The following FGF14 variants were observed in gnomAD, a reference collection of about 807,000 sequenced individuals.
FGF14 encodes fibroblast growth factor 14, also known as fibroblast growth factor homologous factor 4.
A neutral mutation model predicts 25.5 loss-of-function variants in FGF14; 5 were observed. The observed-to-expected ratio is 0.20, with a 90% CI of 0.10 to 0.41. The LOEUF (loss-of-function observed/expected upper bound fraction) is 0.41. Ranked by LOEUF, FGF14 falls within the 10% of genes least tolerant of loss-of-function variation. The probability of loss-of-function intolerance (pLI) is 1.00; values close to 1 mark genes in which losing one functional copy is unlikely to be tolerated. For missense variants in FGF14, 222 were observed against 320.1 expected (o/e 0.69, Z 2.34); for synonymous variants, 138 against 118.3 (o/e 1.17, Z -1.08).
intron 1 of FGF14, among the ~76,000 whole-genome samples, chr13:102,145,844 T>C (rs1289779151): frequency 6.6e-6 from 1 of 152,200 alleles, no homozygotes; most frequent in Non-Finnish European, 1.5e-5. Flanking sequence ...TAAACATTAT[T>C]TTATTTGAGT....
At chr13:102,379,606 A>G (rs2058133516) in intron 1 of FGF14, among the ~76,000 whole-genome samples, 2 of 152,052 alleles carry the variant, frequency 1.3e-5, no homozygotes, top group East Asian at 1.9e-4. Context: ...AACATTTACT[A>G]TGTTTCTGAA....
At chr13:101,758,004 TTA>T (rs1029575090) in intron 3 of FGF14, among the ~76,000 whole-genome samples, 1 of 152,190 alleles carries the variant, frequency 6.6e-6, no homozygotes, top group Non-Finnish European at 1.5e-5. Context: ...CATTTAGAAC[TTA>T]TATATATAAA....
chr13:102,297,621 C>T (rs1051294021), intron 1 of FGF14, among the ~76,000 whole-genome samples: 1 of 151,786 alleles, frequency 6.6e-6, no homozygotes, highest in Non-Finnish European at 1.5e-5. Context: ...CATAGGGGTT[C>T]ATGCTTATAA....
chr13:102,397,988 C>G (rs2058621045), intron 1 of FGF14, among the ~76,000 whole-genome samples: 1 of 149,832 alleles, frequency 6.7e-6, no homozygotes, highest in African/African-American at 2.5e-5. Flanking sequence ...AGCTGTTGCT[C>G]TGCTAGGAAA....
intron 1 of FGF14, among the ~76,000 whole-genome samples, chr13:102,156,463 C>T (rs1007194808): frequency 1.2e-4 from 19 of 152,164 alleles, no homozygotes; most frequent in Non-Finnish European, 1.2e-4. Flanking sequence ...TTCAACAGCC[C>T]TTCATGCTAA....
intron 1 of FGF14, among the ~76,000 whole-genome samples, chr13:102,306,770 C>T (rs1248461055): frequency 6.6e-6 from 1 of 152,132 alleles, no homozygotes; most frequent in African/African-American, 2.4e-5. Context: ...TTGCAGTGCA[C>T]AGTATACTTA....
At chr13:101,779,580 T>C (rs1222007056) in intron 3 of FGF14, among the ~76,000 whole-genome samples, 1 of 152,180 alleles carries the variant, frequency 6.6e-6, no homozygotes, top group Non-Finnish European at 1.5e-5. Flanking sequence ...TTTTGAAATA[T>C]TTCTCAAATA....
chr13:102,360,738 C>G (rs1366412889), intron 1 of FGF14, among the ~76,000 whole-genome samples: 1 of 152,146 alleles, frequency 6.6e-6, no homozygotes, highest in Non-Finnish European at 1.5e-5. Context: ...CCATTCACAC[C>G]TGTCTGAGAA....
chr13:102,240,930 A>C (rs2051567565), intron 1 of FGF14, among the ~76,000 whole-genome samples: 1 of 152,178 alleles, frequency 6.6e-6, no homozygotes, highest in Non-Finnish European at 1.5e-5. Context: ...TGCTTCTTCA[A>C]ATCATTAGGA....
At chr13:101,864,669 C>T (rs528396886) in intron 3 of FGF14, among the ~76,000 whole-genome samples, 1 of 152,202 alleles carries the variant, frequency 6.6e-6, no homozygotes, top group African/African-American at 2.4e-5. Flanking sequence ...TTATATTTCT[C>T]TCCACTTATA....
At chr13:102,362,794 C>T (rs570305955) in intron 1 of FGF14, among the ~76,000 whole-genome samples, 1 of 143,858 alleles carries the variant, frequency 7.0e-6, no homozygotes, top group East Asian at 2.0e-4. Context: ...TTTCTAAAGT[C>T]CATACAAGTA....
In FGF14 at chr13:102,102,269, C is replaced by T. The variant is rs181077495; in HGVS notation, c.209-226973G>A. 1.4e-3 allele frequency among the ~76,000 whole-genome samples: 209 copies of T among 152,180 alleles called. 2 individuals are homozygous for T. The highest frequency in any genetic ancestry group is 4.6e-3 in the African/African-American group (193 of 41,522). ...ATGGCAATGAAAGGCAGTTTCTTGT[C>T]GAAAGTCACCAAGAAATCATGAGTT... On this transcript the variant is annotated intron_variant, in intron 1 of 4. Coordinates refer to the FGF14 transcript ENST00000376131.
chr13:102,087,436 G>GA (rs2043966230), intron 1 of FGF14, among the ~76,000 whole-genome samples: 1 of 65,788 alleles, frequency 1.5e-5, no homozygotes, highest in Admixed American at 2.0e-4. Context: ...TTTTGAGACA[G>GA]ATTCTTGCTC....
intron 3 of FGF14, among the ~76,000 whole-genome samples, chr13:101,858,057 A>C (rs1352839796): frequency 6.6e-6 from 1 of 151,884 alleles, no homozygotes; most frequent in East Asian, 1.9e-4. Flanking sequence ...AAAATAAATT[A>C]TTTTTCTTAT....
intron 1 of FGF14, among the ~76,000 whole-genome samples, chr13:102,151,192 C>T (rs2047068245): frequency 6.6e-6 from 1 of 152,092 alleles, no homozygotes; most frequent in South Asian, 2.1e-4. Context: ...AGGGGGCTAA[C>T]TTATTTTAAG....
intron 1 of FGF14, among the ~76,000 whole-genome samples, chr13:102,309,223 C>T (rs952786853): frequency 1.8e-4 from 28 of 151,592 alleles, no homozygotes; most frequent in African/African-American, 5.8e-4. Context: ...AGCACTGAGC[C>T]GATCAACATG....
At chr13:102,318,170 C>T (rs1365084060) in intron 1 of FGF14, among the ~76,000 whole-genome samples, 1 of 152,144 alleles carries the variant, frequency 6.6e-6, no homozygotes, top group Non-Finnish European at 1.5e-5. Flanking sequence ...CACCTCAGCA[C>T]ACCTGCAGAC....
chr13:102,161,653 A>AGGAGG (rs1431542606), intron 1 of FGF14, among the ~76,000 whole-genome samples: 2 of 23,892 alleles, frequency 8.4e-5, no homozygotes, highest in Non-Finnish European at 1.8e-4. Context: ...GAAGAAGAAG[A>AGGAGG]AGAAGAAGAA....
intron 1 of FGF14, among the ~76,000 whole-genome samples, chr13:102,025,329 CTG>C (rs917554680): frequency 2.6e-5 from 4 of 151,972 alleles, no homozygotes; most frequent in Admixed American, 2.0e-4. Context: ...GTCTTCTAGT[CTG>C]TAAACATGGG....
Sources: allele counts gnomAD v4.1 joint callset (sites outside exome capture counted in the v4.1 genomes callset), GRCh38; gene constraint gnomAD v4.1.1; transcripts MANE v1.5; gene names NCBI Gene and HGNC (gene_info 2026-07-23, HGNC 2026-07-21).